PEX14: variants seen among roughly 807,000 people sequenced by gnomAD.
The protein encoded by PEX14 is peroxisomal membrane protein PEX14.
PEX14 carries 15 observed loss-of-function variants against 49.5 expected under a neutral mutation model. The observed-to-expected ratio is 0.30, with a 90% CI of 0.20 to 0.47. The LOEUF (loss-of-function observed/expected upper bound fraction) is 0.47. PEX14 is among the 20% of genes least tolerant of loss of function. The probability of loss-of-function intolerance (pLI) is 1.00; values close to 1 mark genes in which losing one functional copy is unlikely to be tolerated. For synonymous variants in PEX14, 210 were observed against 212.7 expected (o/e 0.99, Z 0.11); for missense variants, 398 against 494.8 (o/e 0.80, Z 1.86).
Position 10,629,910 on chromosome 1 carries a change from G to T in PEX14, c.1057G>T (p.Gly353Trp). ...GGTGCAGAGGGAGGACCGCCGGGGC[G>T]GGGATGGGCAGATCAACGAGCAGGT... ...LGVQREDRRG[G>W]DGQINEQVEK... is the part of the protein sequence containing the mutation. Residue 353 changes from glycine (G) to tryptophan (W), a missense_variant, in exon 9 of 9, where the codon GGG (glycine) becomes TGG (tryptophan). Around this residue, in one of 3 missense-constraint regions of PEX14, gnomAD observed 140 missense variants for 155.5 expected, o/e 0.90. Coordinates refer to ENST00000356607, the MANE Select transcript of PEX14 (RefSeq NM_004565.3). The surrounding 1 kb of genome is among the most constrained non-coding windows in gnomAD (Gnocchi z 8.5). 3.1e-6 allele frequency: 5 copies of T among 1,613,356 alleles called. No homozygotes were observed. The highest frequency in any genetic ancestry group is 4.2e-6 in the Non-Finnish European group (5 of 1,179,858).
chr1:10,604,406 C>T (rs547192784), intron 4 of PEX14, among the ~76,000 whole-genome samples: 1 of 152,204 alleles, frequency 6.6e-6, no homozygotes, highest in East Asian at 1.9e-4. Context: ...CACTTTGAAG[C>T]TAGGAGTTCA....
At chr1:10,520,873 C>A (rs371403110) in intron 2 of PEX14, among the ~76,000 whole-genome samples, 1 of 152,280 alleles carries the variant, frequency 6.6e-6, no homozygotes, top group African/African-American at 2.4e-5. Flanking sequence ...TCACTGTAGA[C>A]GCACTATGGA....
chr1:10,499,263 A>G (rs965728049), intron 2 of PEX14, among the ~76,000 whole-genome samples: 1 of 152,136 alleles, frequency 6.6e-6, no homozygotes, highest in Non-Finnish European at 1.5e-5. Context: ...TCTACTTTAA[A>G]CAGTGCTTAT....
intron 2 of PEX14, among the ~76,000 whole-genome samples, chr1:10,502,099 G>T (rs1274900727): frequency 6.6e-6 from 1 of 152,198 alleles, no homozygotes; most frequent in African/African-American, 2.4e-5. Flanking sequence ...ATGATTATCA[G>T]ATCCAGCATC....
intron 3 of PEX14, among the ~76,000 whole-genome samples, chr1:10,537,564 G>A (rs1456071901): frequency 6.6e-6 from 1 of 152,110 alleles, no homozygotes; most frequent in Non-Finnish European, 1.5e-5. Context: ...GGGGTAACCT[G>A]AGACAAAATC....
chr1:10,475,825 T>G (rs565461424), intron 1 of PEX14, among the ~76,000 whole-genome samples: 1 of 152,226 alleles, frequency 6.6e-6, no homozygotes, highest in African/African-American at 2.4e-5. Context: ...TTTAACTGCC[T>G]GTGTGGTGTC....
intron 3 of PEX14, among the ~76,000 whole-genome samples, chr1:10,596,257 C>A (rs1345849111): frequency 2.0e-5 from 3 of 152,328 alleles, no homozygotes; most frequent in African/African-American, 7.2e-5. Context: ...GAAGATGACA[C>A]TCAAGGAAGC....
At chr1:10,547,099 C>T (rs1401748001) in intron 3 of PEX14, among the ~76,000 whole-genome samples, 1 of 152,130 alleles carries the variant, frequency 6.6e-6, no homozygotes, top group Non-Finnish European at 1.5e-5. Flanking sequence ...CAGCTGTGAT[C>T]CAGGGACCAA....
At chr1:10,586,803 C>A (rs887943531) in intron 3 of PEX14, among the ~76,000 whole-genome samples, 6 of 151,846 alleles carry the variant, frequency 4.0e-5, no homozygotes, top group Non-Finnish European at 5.9e-5. Flanking sequence ...CCATGCCCAG[C>A]TAATTTTTTT....
intron 2 of PEX14, among the ~76,000 whole-genome samples, chr1:10,502,115 C>G (rs114649462): frequency 0.012 from 1,857 of 152,216 alleles, 37 homozygotes; most frequent in African/African-American, 0.042. Context: ...GCATCCTGGG[C>G]CTGAGATGTA....
chr1:10,531,556 G>A (rs1213546429), intron 2 of PEX14, among the ~76,000 whole-genome samples: 1 of 152,132 alleles, frequency 6.6e-6, no homozygotes, highest in Admixed American at 6.5e-5. Context: ...TGCGGCGCTG[G>A]AATGGGGTTT....
chr1:10,530,251 T>C (rs771304638), intron 2 of PEX14, among the ~76,000 whole-genome samples: 4 of 152,194 alleles, frequency 2.6e-5, no homozygotes, highest in Non-Finnish European at 4.4e-5. Flanking sequence ...TTTTTAAAAA[T>C]TGAAAATAAA....
At chr1:10,622,990 C>T (rs533459336) in intron 5 of PEX14, 29 bp from the exon 6 acceptor site, 2 of 1,450,650 alleles carry the variant, frequency 1.4e-6, no homozygotes, top group South Asian at 1.2e-5. Flanking sequence ...GGTCCGTATG[C>T]ATTCCTCACC....
chr1:10,618,134 C>T lies in PEX14; in HGVS notation c.299-198C>T, dbSNP rs878966471. 5.3e-5 allele frequency among the ~76,000 whole-genome samples: 8 copies of T among 152,304 alleles called. No individual in the cohort carries two copies. The South Asian group carries it at 1.5e-3, about 28-fold the overall frequency. On this transcript the variant is annotated intron_variant, in intron 4 of 8. Transcript: ENST00000356607. ...TTGGGTGACTGGCATCCCTTGTGTC[C>T]CAGTTGAGGCAGTGGGAACAGGAGG...
At position 10,623,657 on chromosome 1, in the gene PEX14, C is replaced by T. The variant is rs115387711; in HGVS notation, c.487+536C>T. Among the ~76,000 whole-genome samples the T allele has an allele frequency of 6.9e-3, 1,058 of 152,300 alleles. 12 individuals carry two copies. Among genetic ancestry groups the T allele is most frequent in the African/African-American group, 0.024 (994 of 41,554 alleles). On this transcript the variant is annotated intron_variant, in intron 6 of 8. Coordinates refer to ENST00000356607, the MANE Select transcript of PEX14 (RefSeq NM_004565.3). This position sits in a 1 kb window ranked among gnomAD's most constrained non-coding sequence, Gnocchi z 4.4. ...CTTCTTTATAAACTTGTTTACTAGACGGCAGCTCTGAATCTAAAAACCAGA... is the reference window on the plus strand; with the variant it reads ...CTTCTTTATAAACTTGTTTACTAGATGGCAGCTCTGAATCTAAAAACCAGA...
At chr1:10,481,418 G>T (rs773699620) in intron 1 of PEX14, among the ~76,000 whole-genome samples, 1 of 151,812 alleles carries the variant, frequency 6.6e-6, no homozygotes, top group Non-Finnish European at 1.5e-5. Flanking sequence ...GGGAGCCACC[G>T]CGTCCAGCCT....
intron 2 of PEX14, among the ~76,000 whole-genome samples, chr1:10,496,798 C>T (rs1277109993): frequency 6.6e-6 from 1 of 151,726 alleles, no homozygotes; most frequent in Non-Finnish European, 1.5e-5. Flanking sequence ...TCTGGGAGGC[C>T]CTGAGCAGTC....
At chr1:10,504,196 C>G (rs1467737653) in intron 2 of PEX14, among the ~76,000 whole-genome samples, 1 of 152,190 alleles carries the variant, frequency 6.6e-6, no homozygotes, top group African/African-American at 2.4e-5. Flanking sequence ...GTATTCACCG[C>G]CCTTCCTTCT....
intron 2 of PEX14, among the ~76,000 whole-genome samples, chr1:10,500,373 CAAAAAAAAAAAAAAAAAA>C (rs750781683): frequency 1.4e-4 from 6 of 43,682 alleles, no homozygotes; most frequent in African/African-American, 5.5e-4. Flanking sequence ...GATTCTGTCT[CAAAAAAAAAAAAAAAAAA>C]AAAAAAAAAA....
Sources: gnomAD v4.1 joint callset for allele counts (sites outside exome capture counted in the v4.1 genomes callset) on GRCh38, gnomAD v4.1.1 for gene constraint, gnomAD v4.1.1 regional missense constraint, Gnocchi (gnomAD v3.1) non-coding constraint, MANE v1.5 for transcripts, NCBI Gene and HGNC (gene_info 2026-07-23, HGNC 2026-07-21) for gene names.